MAF: variants seen among roughly 807,000 people sequenced by gnomAD.
MAF encodes the protein MAF bZIP transcription factor.
Under a neutral mutation model 22.0 loss-of-function variants are expected in MAF, and 10 were observed. That is an observed-to-expected ratio of 0.45 (90% CI 0.28 to 0.77). The LOEUF (loss-of-function observed/expected upper bound fraction) is 0.77. MAF is among the 30% of genes least tolerant of loss of function. The pLI is 0.12. For synonymous variants in MAF, 337 were observed against 255.8 expected (o/e 1.32, Z -3.03); for missense variants, 544 against 548.4 (o/e 0.99, Z 0.08).
chr16:79,476,390 C>G, the MAF span, among the ~76,000 whole-genome samples: 1 of 152,168 alleles, frequency 6.6e-6, no homozygotes. Flanking sequence ...TGCTACACAG[C>G]AATAGGCAAC....
chr16:79,516,846 T>G, the MAF span, among the ~76,000 whole-genome samples: 1 of 4,658 alleles, frequency 2.1e-4, no homozygotes, highest in African/African-American at 3.6e-4. Flanking sequence ...AGGGCCAAGT[T>G]CTTTTCTTAA....
At chr16:79,307,867 C>A in the MAF span, among the ~76,000 whole-genome samples, 1 of 152,216 alleles carries the variant, frequency 6.6e-6, no homozygotes, top group African/African-American at 2.4e-5. Flanking sequence ...TTATAGAAAG[C>A]TATTCCTAAA....
At chr16:79,598,671 G>A (rs1250365280) in intron 1 of MAF, 114 bp downstream of exon 1, 5 of 1,549,848 alleles carry the variant, frequency 3.2e-6, no homozygotes, top group African/African-American at 1.4e-5. Context: ...CGGTGGGGGT[G>A]GGGGTGGTGA....
the MAF span, among the ~76,000 whole-genome samples, chr16:79,419,815 A>G: frequency 6.6e-6 from 1 of 152,134 alleles, no homozygotes; most frequent in Admixed American, 6.5e-5. Flanking sequence ...TGGCAGTGTC[A>G]CAGCATCACC....
chr16:79,484,182 A>T, the MAF span, among the ~76,000 whole-genome samples: 5 of 152,288 alleles, frequency 3.3e-5, no homozygotes, highest in South Asian at 1.0e-3. Context: ...GCCGACAGTC[A>T]CCTATCAAAC....
chr16:79,378,249 C>T, the MAF span, among the ~76,000 whole-genome samples: 8 of 152,180 alleles, frequency 5.3e-5, no homozygotes, highest in East Asian at 9.6e-4. Flanking sequence ...GTCCATCAAG[C>T]GTACAATGCT....
the MAF span, among the ~76,000 whole-genome samples, chr16:79,485,907 A>G: frequency 6.6e-6 from 1 of 152,214 alleles, no homozygotes; most frequent in African/African-American, 2.4e-5. Context: ...AAAAACTAAT[A>G]AAGCATCCAA....
intron 1 of MAF, 45 bp downstream of exon 1, chr16:79,598,740 G>T (rs766437100): frequency 6.2e-7 from 1 of 1,612,836 alleles, no homozygotes. Flanking sequence ...GACCCCCGCG[G>T]AGCACTTATC....
chr16:79,358,287 AG>A, the MAF span, among the ~76,000 whole-genome samples: 2 of 152,308 alleles, frequency 1.3e-5, no homozygotes, highest in African/African-American at 4.8e-5. Context: ...CCTCGACCCC[AG>A]CAGGCTACAG....
chr16:79,465,708 T>A, the MAF span, among the ~76,000 whole-genome samples: 437 of 152,364 alleles, frequency 2.9e-3, no homozygotes, highest in African/African-American at 9.2e-3. Context: ...TTCACCATCA[T>A]GAGCTTTGTG....
At chr16:79,323,196 G>A in the MAF span, among the ~76,000 whole-genome samples, 1 of 134,340 alleles carries the variant, frequency 7.4e-6, no homozygotes, top group Non-Finnish European at 1.6e-5. Flanking sequence ...AGGCAAATGG[G>A]GCACTAGTGA....
chr16:79,414,369 AC>A, the MAF span, among the ~76,000 whole-genome samples: 1 of 152,188 alleles, frequency 6.6e-6, no homozygotes. Context: ...CCAGCATTTC[AC>A]ATGGCAAGAG....
chr16:79,388,380 T>C, the MAF span, among the ~76,000 whole-genome samples: 1 of 152,244 alleles, frequency 6.6e-6, no homozygotes, highest in Non-Finnish European at 1.5e-5. Context: ...TAGATGGATT[T>C]CGTACCACAG....
At chr16:79,282,664 T>C in the MAF span, among the ~76,000 whole-genome samples, 1 of 152,210 alleles carries the variant, frequency 6.6e-6, no homozygotes, top group Non-Finnish European at 1.5e-5. Context: ...CTCAAATTAC[T>C]CAGTATCAGT....
At chr16:79,209,001 G>A in the MAF span, among the ~76,000 whole-genome samples, 1 of 152,222 alleles carries the variant, frequency 6.6e-6, no homozygotes, top group Non-Finnish European at 1.5e-5. Context: ...GATTTTTGGA[G>A]TAGAGAAGGT....
chr16:79,427,513 G>C, the MAF span, among the ~76,000 whole-genome samples: 4 of 152,180 alleles, frequency 2.6e-5, no homozygotes, highest in African/African-American at 9.7e-5. Flanking sequence ...AGTGACTTGG[G>C]ACTGTGTTTG....
At chr16:79,432,431 T>C in the MAF span, among the ~76,000 whole-genome samples, 1 of 152,232 alleles carries the variant, frequency 6.6e-6, no homozygotes, top group Non-Finnish European at 1.5e-5. Context: ...AGATTTAATT[T>C]ATAAATTAGG....
the MAF span, among the ~76,000 whole-genome samples, chr16:79,365,499 G>A: frequency 3.3e-5 from 5 of 152,152 alleles, no homozygotes; most frequent in African/African-American, 9.7e-5. Flanking sequence ...ACTGATTGGT[G>A]GATGATCTCT....
chr16:79,455,418 G>T, the MAF span, among the ~76,000 whole-genome samples: 2 of 152,136 alleles, frequency 1.3e-5, no homozygotes, highest in Non-Finnish European at 2.9e-5. Context: ...CCCAGCCCTA[G>T]TCTAAACCCA....
Sources: allele counts gnomAD v4.1 joint callset (sites outside exome capture counted in the v4.1 genomes callset), GRCh38; gene constraint gnomAD v4.1.1; transcripts MANE v1.5; gene names NCBI Gene and HGNC (gene_info 2026-07-23, HGNC 2026-07-21).